The following HCN1 variants were observed in gnomAD, a reference collection of about 807,000 sequenced individuals.
HCN1 encodes the protein potassium/sodium hyperpolarization-activated cyclic nucleotide-gated channel 1.
In HCN1, 13 loss-of-function variants were observed where a neutral mutation model predicts 78.9. The observed-to-expected ratio is 0.16, with a 90% CI of 0.11 to 0.26. The LOEUF (loss-of-function observed/expected upper bound fraction) is 0.26, where lower values mean the gene tolerates loss of function less well. Ranked by LOEUF, HCN1 falls within the 10% of genes least tolerant of loss-of-function variation. The pLI is 1.00. For missense variants in HCN1, 810 were observed against 1,154.3 expected, an observed-to-expected ratio of 0.70 and a Z score of 4.32; for synonymous variants, 552 against 455.5, an observed-to-expected ratio of 1.21 and a Z score of -2.70.
intron 2 of HCN1, among the ~76,000 whole-genome samples, chr5:45,498,102 C>T (rs1442195575): frequency 6.6e-6 from 1 of 152,034 alleles, no homozygotes; most frequent in Non-Finnish European, 1.5e-5. Context: ...TTGTGGCGTT[C>T]TCTTTAGTTC....
chr5:45,500,432 T>C (rs1001350958), intron 2 of HCN1, among the ~76,000 whole-genome samples: 2 of 152,208 alleles, frequency 1.3e-5, no homozygotes, highest in African/African-American at 4.8e-5. Flanking sequence ...AGAATTCTTA[T>C]GTCCTGGTCA....
At chr5:45,374,614 C>T (rs1310000940) in intron 4 of HCN1, among the ~76,000 whole-genome samples, 2 of 150,096 alleles carry the variant, frequency 1.3e-5, no homozygotes, top group Admixed American at 6.8e-5. Context: ...ATTCCAAAAA[C>T]TTGGGGAGGG....
At chr5:45,684,787 A>G (rs572650122) in intron 1 of HCN1, among the ~76,000 whole-genome samples, 15 of 152,304 alleles carry the variant, frequency 9.8e-5, no homozygotes, top group Admixed American at 7.2e-4. Flanking sequence ...GCTTGAACCC[A>G]GGAGGCGGAG....
chr5:45,409,060 A>G (rs1739979908), intron 3 of HCN1, among the ~76,000 whole-genome samples: 1 of 152,118 alleles, frequency 6.6e-6, no homozygotes, highest in African/African-American at 2.4e-5. Flanking sequence ...TTTTATTTCT[A>G]GATAATTTGC....
intron 2 of HCN1, among the ~76,000 whole-genome samples, chr5:45,519,837 T>C (rs1403438565): frequency 1.3e-5 from 2 of 151,990 alleles, no homozygotes; most frequent in South Asian, 2.1e-4. Flanking sequence ...TTAGCTCTTA[T>C]TTGTTAAACA....
chr5:45,280,180 C>T (rs1223819774), intron 6 of HCN1, among the ~76,000 whole-genome samples: 4 of 152,000 alleles, frequency 2.6e-5, no homozygotes, highest in Non-Finnish European at 4.4e-5. Flanking sequence ...TACTCTAGTC[C>T]TAGAATATTG....
chr5:45,422,927 C>T (rs540094499), intron 3 of HCN1, among the ~76,000 whole-genome samples: 1 of 152,102 alleles, frequency 6.6e-6, no homozygotes, highest in African/African-American at 2.4e-5. Context: ...TTAATGGGTG[C>T]AATGACATAT....
At chr5:45,309,714 C>T (rs757501334) in intron 5 of HCN1, among the ~76,000 whole-genome samples, 3 of 152,138 alleles carry the variant, frequency 2.0e-5, no homozygotes, top group Non-Finnish European at 4.4e-5. Context: ...GGGGATGAAG[C>T]CTACTTGAGT....
At chr5:45,657,756 G>C (rs922044178) in intron 1 of HCN1, among the ~76,000 whole-genome samples, 1 of 152,124 alleles carries the variant, frequency 6.6e-6, no homozygotes, top group African/African-American at 2.4e-5. Flanking sequence ...CAAAGAAATG[G>C]AATAACATTC....
intron 4 of HCN1, among the ~76,000 whole-genome samples, chr5:45,381,467 A>C (rs1317160365): frequency 6.6e-6 from 1 of 152,160 alleles, no homozygotes; most frequent in Non-Finnish European, 1.5e-5. Flanking sequence ...AAAAAAGCTC[A>C]CTTAAAGCTC....
rs1744714029 is a variant in HCN1, at chr5:45,260,514, A to T, written c.*1407T>A. ...TTAAAAATGACAAACCTCCTATCTAAGGGCTACGTTAGTCACCACATGCCT... is the reference window on the plus strand; with the variant it reads ...TTAAAAATGACAAACCTCCTATCTATGGGCTACGTTAGTCACCACATGCCT... On this transcript the variant is annotated 3_prime_UTR_variant, in exon 8 of 8. Coordinates refer to ENST00000303230, the MANE Select transcript of HCN1 (RefSeq NM_021072.4). The T allele has an allele frequency of 6.6e-6, 1 of 152,284 alleles. No individual in the cohort carries two copies. The highest frequency in any genetic ancestry group is 2.1e-4 in the South Asian group (1 of 4,834). 9.4% of individuals were successfully genotyped at this position (152,284 alleles called of 1,614,324 possible). A position where few individuals can be genotyped will look rare whatever the true frequency, so the allele number is the denominator to read the frequency against.
intron 2 of HCN1, among the ~76,000 whole-genome samples, chr5:45,622,321 TTC>T (rs1376094267): frequency 2.6e-5 from 4 of 152,182 alleles, no homozygotes; most frequent in African/African-American, 4.8e-5. Context: ...AAAAAGATTT[TTC>T]TGAGTGCTAT....
At position 45,283,534 on chromosome 5, in the gene HCN1, T is replaced by C. The variant is rs562829141; in HGVS notation, c.1619-16281A>G. On this transcript the variant is annotated intron_variant, in intron 6 of 7. Transcript: ENST00000303230. ...GACATACATGCGGCCAACAATCATA[T>C]GAAAAAAGCTCAATATCATTGATCA... Among the ~76,000 whole-genome samples, 13 of 152,110 alleles carry C rather than the reference T, an allele frequency of 8.5e-5. No individual in the cohort carries two copies. In the South Asian group the frequency reaches 2.7e-3, roughly 32 times the overall value.
intron 2 of HCN1, among the ~76,000 whole-genome samples, chr5:45,518,426 G>A (rs956898232): frequency 2.6e-5 from 4 of 151,950 alleles, no homozygotes; most frequent in Admixed American, 2.0e-4. Flanking sequence ...TCACAGGACT[G>A]GCAGGATCAT....
At chr5:45,602,223 C>G (rs1305229423) in intron 2 of HCN1, among the ~76,000 whole-genome samples, 1 of 152,088 alleles carries the variant, frequency 6.6e-6, no homozygotes, top group African/African-American at 2.4e-5. Flanking sequence ...AATGCTTCCC[C>G]AGTACATCAG....
chr5:45,621,118 A>G (rs1204812347), intron 2 of HCN1, among the ~76,000 whole-genome samples: 2 of 152,192 alleles, frequency 1.3e-5, no homozygotes, highest in African/African-American at 4.8e-5. Context: ...TGGGTTGAGG[A>G]CAGACATTGA....
chr5:45,381,846 A>C (rs1051842311), intron 4 of HCN1, among the ~76,000 whole-genome samples: 1 of 152,086 alleles, frequency 6.6e-6, no homozygotes, highest in Non-Finnish European at 1.5e-5. Flanking sequence ...TGGTCTTTTC[A>C]AAACTAAAAA....
intron 2 of HCN1, among the ~76,000 whole-genome samples, chr5:45,551,624 T>C (rs79903273): frequency 0.078 from 11,796 of 152,004 alleles, 603 homozygotes; most frequent in Middle Eastern, 0.15. Flanking sequence ...ATAATCAATA[T>C]CATAATACGA....
intron 2 of HCN1, among the ~76,000 whole-genome samples, chr5:45,540,892 A>G (rs556774877): frequency 1.6e-3 from 241 of 152,292 alleles, no homozygotes; most frequent in African/African-American, 5.6e-3. Flanking sequence ...GCATGTTCTT[A>G]AAATTTACAA....
Sources: gnomAD v4.1 joint callset for allele counts (sites outside exome capture counted in the v4.1 genomes callset) on GRCh38, gnomAD v4.1.1 for gene constraint, MANE v1.5 for transcripts, NCBI Gene and HGNC (gene_info 2026-07-23, HGNC 2026-07-21) for gene names.